Variants in KCNK13 observed in about 807,000 individuals in gnomAD.
KCNK13 encodes the protein potassium two pore domain channel subfamily K member 13.
In KCNK13, 12 loss-of-function variants were observed where a neutral mutation model predicts 23.4. The observed-to-expected ratio is 0.51, with a 90% CI of 0.33 to 0.83. KCNK13 has a LOEUF of 0.83. KCNK13 is among the 40% of genes least tolerant of loss of function. The probability of loss-of-function intolerance (pLI) is 0.02; values close to 1 mark genes in which losing one functional copy is unlikely to be tolerated. For missense variants in KCNK13, 463 were observed against 556.3 expected (o/e 0.83, Z 1.69); for synonymous variants, 231 against 229.5 (o/e 1.01, Z -0.06).
rs139006031 is a variant in KCNK13 at position 90,164,511 on chromosome 14, G to A, written c.335-19600G>A. On this transcript the variant is annotated intron_variant, in intron 1 of 1. Coordinates refer to ENST00000282146, the MANE Select transcript of KCNK13 (RefSeq NM_022054.4). ...GAAAAGAAGGAGAGAATGGAGAAGA[G>A]AGAAGAAAAACTTAATCTTCTACTA... is the stretch of plus-strand genomic sequence containing the variant. Among the ~76,000 whole-genome samples the A allele has an allele frequency of 5.5e-3, 845 of 152,308 alleles. 7 individuals carry two copies. The highest frequency in any genetic ancestry group is 0.02 in the African/African-American group (813 of 41,590).
chr14:90,173,197 A>G (rs1318952370), intron 1 of KCNK13, among the ~76,000 whole-genome samples: 2 of 152,224 alleles, frequency 1.3e-5, no homozygotes, highest in Non-Finnish European at 2.9e-5. Context: ...TATCAGCGAG[A>G]ATATGAAGAA....
At chr14:90,169,823 A>T (rs926652598) in intron 1 of KCNK13, among the ~76,000 whole-genome samples, 3 of 152,172 alleles carry the variant, frequency 2.0e-5, no homozygotes, top group African/African-American at 7.2e-5. Context: ...TAGGTTTTTT[A>T]AAATTTCTAA....
intron 1 of KCNK13, among the ~76,000 whole-genome samples, chr14:90,102,363 C>G (rs752869185): frequency 2.6e-5 from 4 of 152,170 alleles, no homozygotes; most frequent in Non-Finnish European, 5.9e-5. Context: ...CTCCCATCAA[C>G]TATAGTATCT....
At chr14:90,107,250 T>C (rs942562434) in intron 1 of KCNK13, among the ~76,000 whole-genome samples, 1 of 151,986 alleles carries the variant, frequency 6.6e-6, no homozygotes, top group Non-Finnish European at 1.5e-5. Context: ...GAGGCCAAGG[T>C]GGGCAGATCA....
chr14:90,155,454 G>A (rs1490308149), intron 1 of KCNK13, among the ~76,000 whole-genome samples: 3 of 152,162 alleles, frequency 2.0e-5, no homozygotes, highest in Non-Finnish European at 4.4e-5. Context: ...GGGGCTACGG[G>A]GTGTGTGATC....
chr14:90,087,151 TATA>T (rs1466555623), intron 1 of KCNK13, among the ~76,000 whole-genome samples: 1,539 of 101,564 alleles, frequency 0.015, 18 homozygotes, highest in South Asian at 0.048. Flanking sequence ...TATATATATA[TATA>T]TTTTTTTTTT....
intron 1 of KCNK13, among the ~76,000 whole-genome samples, chr14:90,143,109 T>TAC (rs1890028925): frequency 6.6e-6 from 1 of 150,776 alleles, no homozygotes; most frequent in Non-Finnish European, 1.5e-5. Context: ...GGGACACCTT[T>TAC]ACAAATTTAT....
chr14:90,148,356 G>A (rs554988915), intron 1 of KCNK13, among the ~76,000 whole-genome samples: 3 of 152,282 alleles, frequency 2.0e-5, no homozygotes, highest in East Asian at 1.9e-4. Context: ...TACATGCCAC[G>A]ATGAGATCCT....
chr14:90,151,778 C>T (rs76553786), intron 1 of KCNK13, among the ~76,000 whole-genome samples: 9,899 of 152,242 alleles, frequency 0.065, 418 homozygotes, highest in South Asian at 0.21. Context: ...TTTAAGTCTT[C>T]AACCCATTTT....
In KCNK13 at chr14:90,124,179, C is replaced by T. The variant is rs528288499; in HGVS notation, c.335-59932C>T. Among the ~76,000 whole-genome samples, 81 of 152,304 alleles carry T rather than the reference C, an allele frequency of 5.3e-4. 2 individuals carry two copies. Among genetic ancestry groups the T allele is most frequent in the African/African-American group, 1.9e-3 (78 of 41,566 alleles). ...GCACCGCAGCAGAACTGTGCGTCTC[C>T]GGTTAATGTGCACTCAGCTCGCAGT... is the stretch of plus-strand genomic sequence containing the variant. On this transcript the variant is annotated intron_variant, in intron 1 of 1. Transcript: ENST00000282146.
intron 1 of KCNK13, among the ~76,000 whole-genome samples, chr14:90,182,157 G>C (rs866362038): frequency 7.2e-5 from 11 of 152,098 alleles, no homozygotes; most frequent in Non-Finnish European, 1.5e-4. Context: ...AGCTATACTT[G>C]GTATCTTCCT....
chr14:90,177,376 T>C (rs1378853460), intron 1 of KCNK13: 2 of 152,242 alleles, frequency 1.3e-5, no homozygotes, highest in African/African-American at 4.8e-5. Flanking sequence ...AATTAAATCA[T>C]TTGTGTTATC....
intron 1 of KCNK13, among the ~76,000 whole-genome samples, chr14:90,141,302 T>G (rs561324945): frequency 3.7e-4 from 56 of 152,268 alleles, no homozygotes; most frequent in Non-Finnish European, 7.8e-4. Flanking sequence ...TTTCTTGAAC[T>G]ATAATTGACA....
rs1264568556 is a variant in KCNK13 at position 90,062,277 on chromosome 14, C to T, written c.72C>T (p.Ala24=). ...ACAACGCGCGCTTTCTGCTGCTGGCCGCGCTCATCGTGCTCTACCTGCTGG... is the reference window on the plus strand; with the variant it reads ...ACAACGCGCGCTTTCTGCTGCTGGCTGCGCTCATCGTGCTCTACCTGCTGG... ...NEDNARFLLL[A]ALIVLYLLGG... The change falls in exon 1 of 2, where the codon GCC becomes GCT. Residue 24 remains alanine (A), a synonymous_variant. Transcript: ENST00000282146. The surrounding 1 kb of genome is among the most constrained non-coding windows in gnomAD (Gnocchi z 4.5). 1 of 1,560,340 alleles carries T rather than the reference C, an allele frequency of 6.4e-7. No individual in the cohort carries two copies. Among genetic ancestry groups the T allele is most frequent in the Non-Finnish European group, 8.6e-7 (1 of 1,162,650 alleles).
chr14:90,118,799 A>G (rs1025458568), intron 1 of KCNK13, among the ~76,000 whole-genome samples: 2 of 152,178 alleles, frequency 1.3e-5, no homozygotes, highest in Non-Finnish European at 2.9e-5. Context: ...TCAGACCTGA[A>G]CTGGAGGAAA....
intron 1 of KCNK13, among the ~76,000 whole-genome samples, chr14:90,112,688 G>A (rs1349279105): frequency 6.6e-6 from 1 of 152,078 alleles, no homozygotes; most frequent in Non-Finnish European, 1.5e-5. Context: ...AAGGAAAAAT[G>A]CACATGGTAA....
intron 1 of KCNK13, among the ~76,000 whole-genome samples, chr14:90,092,082 T>C (rs936841365): frequency 3.3e-5 from 5 of 152,000 alleles, no homozygotes; most frequent in Admixed American, 2.6e-4. Flanking sequence ...CCACCACACC[T>C]GGCTAATTTT....
chr14:90,073,139 A>G (rs1328165229), intron 1 of KCNK13, among the ~76,000 whole-genome samples: 1 of 152,166 alleles, frequency 6.6e-6, no homozygotes, highest in Admixed American at 6.5e-5. Context: ...AAGGATCGCC[A>G]GTTAAAGTGA....
intron 1 of KCNK13, among the ~76,000 whole-genome samples, chr14:90,117,586 T>C (rs1272588091): frequency 2.0e-5 from 3 of 151,922 alleles, no homozygotes; most frequent in Non-Finnish European, 4.4e-5. Context: ...AGCGAGACTC[T>C]GTCTCAAAAA....
Sources: gnomAD v4.1 joint callset for allele counts (sites outside exome capture counted in the v4.1 genomes callset) on GRCh38, gnomAD v4.1.1 for gene constraint, Gnocchi (gnomAD v3.1) non-coding constraint, MANE v1.5 for transcripts, NCBI Gene and HGNC (gene_info 2026-07-23, HGNC 2026-07-21) for gene names.